PLD1: variants seen among roughly 807,000 people sequenced by gnomAD.
PLD1 encodes choline phosphatase 1.
A neutral mutation model predicts 137.1 loss-of-function variants in PLD1; 112 were observed. The ratio of observed to expected loss-of-function variants is 0.82; its 90% CI spans 0.70 to 0.96. The LOEUF is 0.96. PLD1 is among the 40% of genes least tolerant of loss of function. The pLI is 0.00. For missense variants in PLD1, 1,321 were observed against 1,342.0 expected (o/e 0.98, Z 0.24); for synonymous variants, 431 against 454.7 (o/e 0.95, Z 0.66).
intron 1 of PLD1, chr3:171,792,437 G>T (rs1214886140): frequency 2.7e-6 from 1 of 372,742 alleles, no homozygotes; most frequent in African/African-American, 2.1e-5. Context: ...AATGCAGATG[G>T]ATCAGGGGCC....
intron 20 of PLD1, among the ~76,000 whole-genome samples, chr3:171,660,155 A>G (rs1737546817): frequency 6.6e-6 from 1 of 152,206 alleles, no homozygotes; most frequent in African/African-American, 2.4e-5. Flanking sequence ...AGGTAAAGAG[A>G]TATATATGTA....
At chr3:171,776,180 C>A (rs566747418) in intron 1 of PLD1, among the ~76,000 whole-genome samples, 1 of 152,214 alleles carries the variant, frequency 6.6e-6, no homozygotes, top group Admixed American at 6.5e-5. Context: ...GACACTCCTT[C>A]CTGGGCCTCA....
chr3:171,711,466 G>A (rs1157421910), intron 9 of PLD1, among the ~76,000 whole-genome samples: 1 of 151,950 alleles, frequency 6.6e-6, no homozygotes, highest in Non-Finnish European at 1.5e-5. Context: ...ACCGCACCTG[G>A]CCAGGAAAAC....
At chr3:171,701,167 G>A (rs1280932809) in intron 11 of PLD1, among the ~76,000 whole-genome samples, 1 of 152,180 alleles carries the variant, frequency 6.6e-6, no homozygotes, top group African/African-American at 2.4e-5. Context: ...TAAAGGAAAC[G>A]TTATTGGGTA....
At chr3:171,638,428 A>C (rs1735344953) in intron 23 of PLD1, among the ~76,000 whole-genome samples, 1 of 152,196 alleles carries the variant, frequency 6.6e-6, no homozygotes, top group Admixed American at 6.5e-5. Flanking sequence ...TTTCAGCTCC[A>C]TTATAATCTT....
At chr3:171,689,254 G>GA (rs1022936411) in intron 13 of PLD1, among the ~76,000 whole-genome samples, 1 of 151,802 alleles carries the variant, frequency 6.6e-6, no homozygotes, top group Non-Finnish European at 1.5e-5. Flanking sequence ...TTTATCTCTG[G>GA]AAAAATGTGT....
intron 1 of PLD1, among the ~76,000 whole-genome samples, chr3:171,740,327 C>G (rs554778077): frequency 6.6e-6 from 1 of 152,156 alleles, no homozygotes; most frequent in African/African-American, 2.4e-5. Context: ...TATGTATGTC[C>G]TTTCCTCTTC....
intron 19 of PLD1, among the ~76,000 whole-genome samples, chr3:171,666,093 G>A (rs540427302): frequency 1.3e-5 from 2 of 152,322 alleles, no homozygotes; most frequent in South Asian, 4.1e-4. Flanking sequence ...GGAACCCTGA[G>A]GTTATATAAA....
intron 1 of PLD1, among the ~76,000 whole-genome samples, chr3:171,805,596 C>A (rs902754237): frequency 1.3e-5 from 2 of 152,156 alleles, no homozygotes; most frequent in African/African-American, 4.8e-5. Flanking sequence ...TGCTTCTACC[C>A]TTTGACATAC....
intron 1 of PLD1, among the ~76,000 whole-genome samples, chr3:171,757,040 A>G (rs1040734375): frequency 6.6e-6 from 1 of 152,214 alleles, no homozygotes; most frequent in Non-Finnish European, 1.5e-5. Context: ...TGGCAGAAAA[A>G]CCAGAGGCAA....
chr3:171,710,116 G>A (rs1717045013), intron 9 of PLD1, among the ~76,000 whole-genome samples: 1 of 152,046 alleles, frequency 6.6e-6, no homozygotes, highest in South Asian at 2.1e-4. Context: ...AGGCTGGAGT[G>A]CAGTGGCGCG....
intron 21 of PLD1, among the ~76,000 whole-genome samples, chr3:171,646,491 G>T (rs1326509708): frequency 1.3e-5 from 2 of 152,154 alleles, no homozygotes; most frequent in Non-Finnish European, 2.9e-5. Context: ...GAGTTTGGCT[G>T]CCATGCTAAG....
At chr3:171,667,957 G>A (rs1712321567) in intron 19 of PLD1, among the ~76,000 whole-genome samples, 1 of 152,046 alleles carries the variant, frequency 6.6e-6, no homozygotes, top group Non-Finnish European at 1.5e-5. Flanking sequence ...TCAATACATT[G>A]GCCACGCTGG....
At chr3:171,698,276 G>A (rs1460680409) in intron 12 of PLD1, among the ~76,000 whole-genome samples, 3 of 152,172 alleles carry the variant, frequency 2.0e-5, no homozygotes, top group Non-Finnish European at 2.9e-5. Flanking sequence ...GACAGTAACC[G>A]TATGATGAAT....
chr3:171,693,277 G>A (rs779759720), intron 12 of PLD1, among the ~76,000 whole-genome samples: 2 of 152,114 alleles, frequency 1.3e-5, no homozygotes, highest in Admixed American at 6.5e-5. Flanking sequence ...TGCCACACTC[G>A]AACCTTCTTA....
intron 11 of PLD1, among the ~76,000 whole-genome samples, chr3:171,706,154 C>CTATT (rs1481934747): frequency 1.3e-5 from 2 of 151,960 alleles, no homozygotes; most frequent in African/African-American, 4.8e-5. Context: ...ATCTATCTAT[C>CTATT]TATCTATCTA....
At chr3:171,611,615 C>T (rs746317567) in intron 25 of PLD1, 8 of 518,836 alleles carry the variant, frequency 1.5e-5, no homozygotes, top group Admixed American at 1.2e-4. Context: ...GGATCTTCGA[C>T]ACCTGGAGTC....
chr3:171,722,906 G>A (rs1352047853), intron 8 of PLD1, among the ~76,000 whole-genome samples: 1 of 151,834 alleles, frequency 6.6e-6, no homozygotes, highest in Non-Finnish European at 1.5e-5. Context: ...TATTTATGGG[G>A]TATATGAGAT....
At chr3:171,718,003 G>A (rs1717803153) in intron 8 of PLD1, among the ~76,000 whole-genome samples, 1 of 152,152 alleles carries the variant, frequency 6.6e-6, no homozygotes, top group Non-Finnish European at 1.5e-5. Flanking sequence ...TTTATCTTTA[G>A]TTCTGTTTAT....
Sources: allele counts gnomAD v4.1 joint callset (sites outside exome capture counted in the v4.1 genomes callset), GRCh38; gene constraint gnomAD v4.1.1; transcripts MANE v1.5; gene names NCBI Gene and HGNC (gene_info 2026-07-23, HGNC 2026-07-21).